The following TBX5 variants were observed in gnomAD, a reference collection of about 807,000 sequenced individuals.
TBX5 encodes T-box transcription factor 5, also known as T-box transcription factor TBX5.
A neutral mutation model predicts 51.1 loss-of-function variants in TBX5; 8 were observed. That is an observed-to-expected ratio of 0.16 (90% CI 0.09 to 0.28). TBX5 has a LOEUF of 0.28. Ranked by LOEUF, TBX5 falls within the 10% of genes least tolerant of loss-of-function variation. The pLI, the probability that TBX5 is intolerant of heterozygous loss-of-function variation, is 1.00. For synonymous variants in TBX5, 302 were observed against 266.4 expected, an observed-to-expected ratio of 1.13 and a Z score of -1.30; for missense variants, 589 against 671.7, an observed-to-expected ratio of 0.88 and a Z score of 1.36.
intron 1 of TBX5, among the ~76,000 whole-genome samples, chr12:114,404,997 C>G (rs1298370187): frequency 6.6e-6 from 1 of 152,214 alleles, no homozygotes; most frequent in Non-Finnish European, 1.5e-5. Flanking sequence ...GAGCCTGTCT[C>G]CTGCTCTCTG....
chr12:114,392,764 G>T (rs1368996409), intron 6 of TBX5, among the ~76,000 whole-genome samples: 2 of 151,998 alleles, frequency 1.3e-5, no homozygotes, highest in Admixed American at 6.6e-5. Context: ...CTAAACACAG[G>T]TTTACAGCAG....
chr12:114,365,892 A>G (rs917967371), intron 8 of TBX5, among the ~76,000 whole-genome samples: 1 of 151,934 alleles, frequency 6.6e-6, no homozygotes, highest in African/African-American at 2.4e-5. Context: ...TGCACTCGCC[A>G]CGTGTATGTG....
At chr12:114,377,667 T>A (rs1330501195) in intron 7 of TBX5, among the ~76,000 whole-genome samples, 4 of 149,556 alleles carry the variant, frequency 2.7e-5, no homozygotes, top group Non-Finnish European at 4.5e-5. Context: ...TCTCCTCCTG[T>A]CTCAGCCTCC....
chr12:114,400,394 C>G (rs113770432), intron 3 of TBX5, among the ~76,000 whole-genome samples: 1 of 152,258 alleles, frequency 6.6e-6, no homozygotes, highest in Non-Finnish European at 1.5e-5. Context: ...GTTATCAAGC[C>G]GATGGCCCGG....
chr12:114,403,309 G>C (rs1221396605), intron 2 of TBX5, among the ~76,000 whole-genome samples: 1 of 152,220 alleles, frequency 6.6e-6, no homozygotes, highest in African/African-American at 2.4e-5. Context: ...GGAGGCGAAG[G>C]CTACGGAAGA....
At chr12:114,407,671 C>A, upstream of TBX5, 3 of 766,424 alleles carry the variant, frequency 3.9e-6, no homozygotes, top group Non-Finnish European at 4.8e-6. Context: ...AGGTGACACA[C>A]GAAGCCATTC....
chr12:114,386,187 T>C (rs1285306496), intron 6 of TBX5, among the ~76,000 whole-genome samples: 2 of 152,214 alleles, frequency 1.3e-5, no homozygotes, highest in Admixed American at 1.3e-4. Flanking sequence ...ACCTCTTTAA[T>C]GTCCTAAGCA....
intron 7 of TBX5, among the ~76,000 whole-genome samples, chr12:114,380,596 AG>A (rs1870454582): frequency 6.6e-6 from 1 of 152,196 alleles, no homozygotes; most frequent in African/African-American, 2.4e-5. Context: ...CCCATGATTT[AG>A]AAGGCCAGGA....
intron 6 of TBX5, among the ~76,000 whole-genome samples, chr12:114,393,225 G>C (rs964427516): frequency 6.6e-6 from 1 of 152,126 alleles, no homozygotes; most frequent in Non-Finnish European, 1.5e-5. Context: ...AGCTCCTGCA[G>C]TTCCCCCTCC....
intron 7 of TBX5, among the ~76,000 whole-genome samples, chr12:114,375,957 A>T (rs1198911013): frequency 6.6e-6 from 1 of 152,074 alleles, no homozygotes; most frequent in African/African-American, 2.4e-5. Context: ...AGGTGGGAGG[A>T]TTGCTTGAAC....
chr12:114,398,209 C>T (rs529666433), intron 5 of TBX5, among the ~76,000 whole-genome samples: 1 of 152,100 alleles, frequency 6.6e-6, no homozygotes, highest in African/African-American at 2.4e-5. Flanking sequence ...CACCAAGGAA[C>T]GACAGACCCA....
At chr12:114,390,220 A>G (rs1168939597) in intron 6 of TBX5, among the ~76,000 whole-genome samples, 1 of 152,258 alleles carries the variant, frequency 6.6e-6, no homozygotes, top group African/African-American at 2.4e-5. Flanking sequence ...AGAAATGTCA[A>G]CATACAACAT....
In TBX5 at chr12:114,356,228, C is replaced by T. The variant is rs1434722652; in HGVS notation, c.983-122G>A. 3.2e-6 allele frequency: 3 copies of T among 950,302 alleles called. No individual in the cohort carries two copies. In the East Asian group the frequency reaches 7.3e-5, roughly 23 times the overall value. The allele number at this position is 950,302 out of a possible 1,614,324, so 58.9% of individuals were successfully genotyped here. On this transcript the variant is annotated intron_variant, in intron 8 of 8. Transcript: ENST00000405440. ...CTGAGAGACTGTTAGCCCTAACCGC[C>T]ATTCTGAATACAAAAAAAGGGGGTT...
chr12:114,378,185 C>T (rs1323612996), intron 7 of TBX5, among the ~76,000 whole-genome samples: 1 of 152,208 alleles, frequency 6.6e-6, no homozygotes, highest in Non-Finnish European at 1.5e-5. Flanking sequence ...CCTGATAATG[C>T]TCCATAAATA....
intron 7 of TBX5, among the ~76,000 whole-genome samples, chr12:114,384,039 A>G (rs866680534): frequency 6.6e-6 from 1 of 152,198 alleles, no homozygotes; most frequent in African/African-American, 2.4e-5. Context: ...CTAAAACATG[A>G]TATTTGTTGT....
chr12:114,408,262 C>T (rs1872352803), upstream of TBX5: 1 of 959,488 alleles, frequency 1.0e-6, no homozygotes, highest in Non-Finnish European at 1.2e-6. Context: ...ATAAACCAAC[C>T]CGGCTTTCTC....
chr12:114,394,180 T>C (rs1218865188), intron 6 of TBX5, among the ~76,000 whole-genome samples: 1 of 152,196 alleles, frequency 6.6e-6, no homozygotes, highest in Non-Finnish European at 1.5e-5. Flanking sequence ...AGCATAATGA[T>C]GGTGTGTGCC....
chr12:114,368,232 G>T (rs1299238968), intron 7 of TBX5, among the ~76,000 whole-genome samples: 1 of 152,206 alleles, frequency 6.6e-6, no homozygotes, highest in Non-Finnish European at 1.5e-5. Flanking sequence ...CAACTCAGGA[G>T]GCTGAGGCAA....
At chr12:114,394,704 A>G in intron 6 of TBX5, 37 bp downstream of exon 6, 1 of 1,613,604 alleles carries the variant, frequency 6.2e-7, no homozygotes, top group Non-Finnish European at 8.5e-7. Flanking sequence ...GAAAGAGCAG[A>G]CGGCCCCAGG....
Sources: allele counts gnomAD v4.1 joint callset (sites outside exome capture counted in the v4.1 genomes callset), GRCh38; gene constraint gnomAD v4.1.1; transcripts MANE v1.5; gene names NCBI Gene and HGNC (gene_info 2026-07-23, HGNC 2026-07-21).